The following EDARADD variants were observed in gnomAD, a reference collection of about 807,000 sequenced individuals.
EDARADD encodes EDAR associated via death domain.
In EDARADD, 20 loss-of-function variants were observed where a neutral mutation model predicts 25.6. The observed-to-expected ratio is 0.78, with a 90% CI of 0.55 to 1.14. The LOEUF is 1.14. Ranked by LOEUF, EDARADD falls within the 50% of genes most tolerant of loss-of-function variation. The probability of loss-of-function intolerance (pLI) is 0.00; values close to 1 mark genes in which losing one functional copy is unlikely to be tolerated. For missense variants in EDARADD, 225 were observed against 270.1 expected (o/e 0.83, Z 1.17); for synonymous variants, 86 against 94.4 (o/e 0.91, Z 0.52).
At chr1:236,453,936 T>C (rs1658778572) in intron 4 of EDARADD, among the ~76,000 whole-genome samples, 2 of 152,240 alleles carry the variant, frequency 1.3e-5, no homozygotes, top group South Asian at 2.1e-4. Flanking sequence ...TAGTTAATGA[T>C]TGATGCTAAA....
At chr1:236,394,010 A>C (rs977185914), upstream of EDARADD, among the ~76,000 whole-genome samples, 2 of 63,462 alleles carry the variant, frequency 3.2e-5, no homozygotes, top group Non-Finnish European at 4.2e-5. Flanking sequence ...TAAAAAAAAA[A>C]ACCCTTAAAA....
chr1:236,477,290 C>T (rs1659535576), intron 5 of EDARADD, among the ~76,000 whole-genome samples: 1 of 152,000 alleles, frequency 6.6e-6, no homozygotes, highest in African/African-American at 2.4e-5. Flanking sequence ...CTGAAGTGAG[C>T]AGATCATGAG....
At chr1:236,453,278 C>CTTTTT (rs71672500) in intron 4 of EDARADD, among the ~76,000 whole-genome samples, 1 of 133,884 alleles carries the variant, frequency 7.5e-6, no homozygotes, top group Non-Finnish European at 1.6e-5. Flanking sequence ...TTCTTTTTTT[C>CTTTTT]TTTTTTTTTT....
intron 5 of EDARADD, among the ~76,000 whole-genome samples, chr1:236,472,651 G>A (rs763016637): frequency 1.3e-5 from 2 of 152,190 alleles, no homozygotes; most frequent in African/African-American, 2.4e-5. Flanking sequence ...GAAAAAGGCT[G>A]TTGGTTATTA....
intron 4 of EDARADD, among the ~76,000 whole-genome samples, chr1:236,432,937 AAAAG>A (rs577153679): frequency 1.6e-3 from 248 of 151,396 alleles, no homozygotes; most frequent in African/African-American, 2.5e-3. Flanking sequence ...CAAAAAAAAA[AAAAG>A]AAAGAAAGAA....
At chr1:236,415,342 C>T (rs996701669) in intron 3 of EDARADD, among the ~76,000 whole-genome samples, 4 of 152,178 alleles carry the variant, frequency 2.6e-5, no homozygotes, top group Non-Finnish European at 2.9e-5. Flanking sequence ...CTTTGATAAC[C>T]CATACACTTA....
intron 1 of EDARADD, among the ~76,000 whole-genome samples, chr1:236,405,470 C>T (rs608825): frequency 0.54 from 81,400 of 151,966 alleles, 23,022 homozygotes; most frequent in Non-Finnish European, 0.64. Flanking sequence ...ATCCGGAGAC[C>T]TGGAACTCCT....
intron 1 of EDARADD, among the ~76,000 whole-genome samples, chr1:236,402,065 GA>G (rs1337102149): frequency 6.6e-6 from 1 of 152,144 alleles, no homozygotes; most frequent in Non-Finnish European, 1.5e-5. Context: ...GGGTTCAAGC[GA>G]TTCTCCTGCT....
At chr1:236,413,854 A>C (rs980896303) in intron 2 of EDARADD, among the ~76,000 whole-genome samples, 1 of 152,176 alleles carries the variant, frequency 6.6e-6, no homozygotes, top group East Asian at 1.9e-4. Flanking sequence ...TGCAATAGTG[A>C]GTACTGCCCA....
intron 3 of EDARADD, among the ~76,000 whole-genome samples, chr1:236,379,049 C>T (rs557385898): frequency 6.6e-6 from 1 of 152,174 alleles, no homozygotes; most frequent in South Asian, 2.1e-4. Flanking sequence ...GAGGAAAACT[C>T]AGCATTATTG....
intron 3 of EDARADD, among the ~76,000 whole-genome samples, chr1:236,376,142 T>C (rs2102994789): frequency 6.6e-6 from 1 of 152,028 alleles, no homozygotes; most frequent in East Asian, 2.0e-4. Flanking sequence ...ACCATGTTGG[T>C]CAGTCTGGTT....
intron 4 of EDARADD, among the ~76,000 whole-genome samples, chr1:236,450,986 A>G (rs936937077): frequency 6.6e-6 from 1 of 152,044 alleles, no homozygotes; most frequent in Admixed American, 6.6e-5. Context: ...TCTTGACTCT[A>G]CCCTCTGGAT....
intron 3 of EDARADD, among the ~76,000 whole-genome samples, chr1:236,417,107 C>A (rs1239981442): frequency 7.1e-6 from 1 of 141,370 alleles, no homozygotes; most frequent in East Asian, 2.0e-4. Flanking sequence ...CAGAATGAGA[C>A]CCTGTCTCAA....
intron 4 of EDARADD, among the ~76,000 whole-genome samples, chr1:236,437,851 C>T (rs902596545): frequency 2.7e-5 from 4 of 150,428 alleles, no homozygotes; most frequent in African/African-American, 9.8e-5. Context: ...TGGGTTCAAG[C>T]GATTCTCCCG....
At chr1:236,406,386 G>A (rs959808016) in intron 1 of EDARADD, among the ~76,000 whole-genome samples, 1 of 152,324 alleles carries the variant, frequency 6.6e-6, no homozygotes, top group Admixed American at 6.5e-5. Context: ...TACACTGTGA[G>A]ACATGCATCA....
chr1:236,381,979 G>C (rs995381525), intron 3 of EDARADD, among the ~76,000 whole-genome samples: 2 of 151,562 alleles, frequency 1.3e-5, no homozygotes, highest in Non-Finnish European at 2.9e-5. Flanking sequence ...CCATGGCTTT[G>C]AGCAATATGA....
chr1:236,352,677 G>A (rs1310885744), intron 3 of EDARADD, among the ~76,000 whole-genome samples: 2 of 152,144 alleles, frequency 1.3e-5, no homozygotes, highest in Non-Finnish European at 1.5e-5. Context: ...GTGAAACCCT[G>A]TCTCTACTAA....
intron 3 of EDARADD, among the ~76,000 whole-genome samples, chr1:236,387,383 A>G (rs1338617671): frequency 1.0e-3 from 35 of 34,624 alleles, no homozygotes; most frequent in Non-Finnish European, 1.3e-3. Flanking sequence ...GGGGGGGGTC[A>G]GCCCCCCTGC....
At chr1:236,437,097 G>T (rs1436772684) in intron 4 of EDARADD, among the ~76,000 whole-genome samples, 1 of 152,190 alleles carries the variant, frequency 6.6e-6, no homozygotes, top group Non-Finnish European at 1.5e-5. Context: ...TGGGAAGGGT[G>T]AGTGGAAGTG....
Sources: allele counts gnomAD v4.1 joint callset (sites outside exome capture counted in the v4.1 genomes callset), GRCh38; gene constraint gnomAD v4.1.1; transcripts MANE v1.5; gene names NCBI Gene and HGNC (gene_info 2026-07-23, HGNC 2026-07-21).